Variants in TBC1D9 observed in about 807,000 individuals in gnomAD.
TBC1D9 encodes the protein TBC1 domain family member 9A.
A neutral mutation model predicts 132.0 loss-of-function variants in TBC1D9; 63 were observed. That is an observed-to-expected ratio of 0.48 (90% CI 0.39 to 0.59). TBC1D9 has a LOEUF of 0.59. Among genes scored for constraint, TBC1D9 ranks in the 20% least tolerant of loss-of-function variants. The pLI is 0.00. For missense variants in TBC1D9, 1,261 were observed against 1,592.7 expected (o/e 0.79, Z 3.54); for synonymous variants, 610 against 609.9 (o/e 1.00, Z 0.00).
Position 140,676,825 on chromosome 4 carries a change from T to C in TBC1D9, c.1059+69A>G, listed in dbSNP as rs1319386326. The C allele has an allele frequency of 1.9e-6, 3 of 1,560,508 alleles. No individual in the cohort carries two copies. The African/African-American group carries it at 4.1e-5, about 21-fold the overall frequency. ...CAAAAGCCAATTGTTGGTAAAAAAA[T>C]TATTCCTGGTTCACCCAGAAAAGTA... is the stretch of plus-strand genomic sequence containing the variant. On this transcript the variant is annotated intron_variant, in intron 6 of 20. Transcript: ENST00000442267.
intron 9 of TBC1D9, among the ~76,000 whole-genome samples, chr4:140,665,974 G>C (rs1367228188): frequency 6.6e-6 from 1 of 152,150 alleles, no homozygotes; most frequent in Non-Finnish European, 1.5e-5. Context: ...ATGAGCCACT[G>C]TGCCCAGCCC....
At chr4:140,633,694 C>T (rs757271287) in intron 16 of TBC1D9, among the ~76,000 whole-genome samples, 6 of 151,902 alleles carry the variant, frequency 3.9e-5, no homozygotes, top group Non-Finnish European at 7.4e-5. Flanking sequence ...AAAACTATCT[C>T]GTCTGTGGTT....
At chr4:140,643,196 A>G in intron 13 of TBC1D9, 3 of 1,416,358 alleles carry the variant, frequency 2.1e-6, no homozygotes, top group Non-Finnish European at 1.9e-6. Flanking sequence ...GTGAGGGCCG[A>G]GCCACCAGGG....
At chr4:140,725,275 C>T (rs1049616226) in intron 1 of TBC1D9, among the ~76,000 whole-genome samples, 3 of 152,054 alleles carry the variant, frequency 2.0e-5, no homozygotes, top group African/African-American at 7.2e-5. Flanking sequence ...GAAAGATATA[C>T]CATTGTACGG....
intron 6 of TBC1D9, 53 bp downstream of exon 6, chr4:140,676,841 C>T: frequency 1.9e-6 from 3 of 1,594,964 alleles, no homozygotes; most frequent in Non-Finnish European, 2.6e-6. Flanking sequence ...CTGGTTCACC[C>T]AGAAAAGTAT....
At chr4:140,642,985 TTCTGAAG>T in intron 13 of TBC1D9, 1 of 697,076 alleles carries the variant, frequency 1.4e-6, no homozygotes. Context: ...GCCCGCCACA[TTCTGAAG>T]TCCAGTTCCA....
rs1312663165 is a variant in TBC1D9, at chr4:140,634,183, T to C, written c.2511A>G (p.Glu837=). ...LEELYALFKA[E]HLTSCYWGGS... is the part of the protein sequence containing the mutation. ...CGCCCCAGTAGCAGCTGGTGAGATG[T>C]TCTGCCTGAAAAAGAATGGATGATC... Residue 837 remains glutamate (E), a synonymous_variant, in exon 16 of 21, where the codon GAA becomes GAG. Coordinates refer to ENST00000442267, the MANE Select transcript of TBC1D9 (RefSeq NM_015130.3). 6.2e-7 allele frequency: 1 copy of C among 1,612,376 alleles called. No individual in the cohort carries two copies. Among genetic ancestry groups the C allele is most frequent in the East Asian group, 2.2e-5 (1 of 44,894 alleles).
chr4:140,642,487 C>T, intron 13 of TBC1D9: 3 of 1,072,556 alleles, frequency 2.8e-6, no homozygotes, highest in African/African-American at 1.5e-5. Flanking sequence ...TTTTGATTTC[C>T]CCCCAGCACT....
intron 2 of TBC1D9, among the ~76,000 whole-genome samples, chr4:140,696,363 A>G (rs577484610): frequency 1.4e-5 from 2 of 142,390 alleles, no homozygotes; most frequent in East Asian, 2.3e-4. Context: ...AGGTTGAGGC[A>G]GGAGAATCAC....
intron 16 of TBC1D9, among the ~76,000 whole-genome samples, chr4:140,630,932 C>T (rs1018559376): frequency 5.3e-5 from 8 of 152,158 alleles, no homozygotes; most frequent in Non-Finnish European, 7.3e-5. Context: ...TTAACTCTAT[C>T]GTGCAAATAA....
At chr4:140,707,760 A>T (rs1233045578) in intron 1 of TBC1D9, among the ~76,000 whole-genome samples, 1 of 152,104 alleles carries the variant, frequency 6.6e-6, no homozygotes, top group Non-Finnish European at 1.5e-5. Context: ...GGCTTTGTAC[A>T]AGTGTTTCTC....
intron 1 of TBC1D9, among the ~76,000 whole-genome samples, chr4:140,744,814 T>C (rs962334993): frequency 2.1e-5 from 3 of 140,462 alleles, no homozygotes; most frequent in South Asian, 2.2e-4. Flanking sequence ...ACCTGGGAGA[T>C]AGAGATTGCA....
At chr4:140,678,147 A>C (rs1737653141) in intron 5 of TBC1D9, among the ~76,000 whole-genome samples, 1 of 152,092 alleles carries the variant, frequency 6.6e-6, no homozygotes, top group Non-Finnish European at 1.5e-5. Context: ...TCTATCTTAC[A>C]CTGCTCTTTT....
At chr4:140,672,483 G>T (rs186783246) in intron 6 of TBC1D9, among the ~76,000 whole-genome samples, 1 of 152,006 alleles carries the variant, frequency 6.6e-6, no homozygotes, top group Non-Finnish European at 1.5e-5. Flanking sequence ...GGCTCTTTTG[G>T]TCATGAGGTG....
At chr4:140,652,997 C>A (rs571265032) in intron 13 of TBC1D9, among the ~76,000 whole-genome samples, 2 of 152,160 alleles carry the variant, frequency 1.3e-5, no homozygotes, top group Non-Finnish European at 2.9e-5. Flanking sequence ...CCAGGAGGGG[C>A]ATCTCAGTCT....
chr4:140,748,680 A>G (rs1346820905), intron 1 of TBC1D9, among the ~76,000 whole-genome samples: 1 of 152,262 alleles, frequency 6.6e-6, no homozygotes, highest in Non-Finnish European at 1.5e-5. Context: ...CTTAAAACAT[A>G]TTAAGTGCCA....
At chr4:140,752,941 T>C (rs1001173255) in intron 1 of TBC1D9, among the ~76,000 whole-genome samples, 3 of 152,146 alleles carry the variant, frequency 2.0e-5, no homozygotes, top group African/African-American at 7.2e-5. Flanking sequence ...TGTACACTGA[T>C]CCAGATAATG....
Position 140,702,525 on chromosome 4 carries a change from C to T in TBC1D9, c.131-911G>A, listed in dbSNP as rs565801770. On this transcript the variant is annotated intron_variant, in intron 1 of 20. Transcript: ENST00000442267. ...ACCCGGCTGAGGCACTCCAGCCATGCGGAGAACGCACAACCCTGTTTCTCA... is the reference window on the plus strand; with the variant it reads ...ACCCGGCTGAGGCACTCCAGCCATGTGGAGAACGCACAACCCTGTTTCTCA... 3.3e-4 allele frequency among the ~76,000 whole-genome samples: 50 copies of T among 152,282 alleles called. 1 individual carries two copies. Among genetic ancestry groups the T allele is most frequent in the African/African-American group, 1.1e-3 (47 of 41,568 alleles).
chr4:140,726,946 C>A (rs72720317), intron 1 of TBC1D9, among the ~76,000 whole-genome samples: 1 of 152,100 alleles, frequency 6.6e-6, no homozygotes, highest in Admixed American at 6.5e-5. Flanking sequence ...AACTGATATG[C>A]GGTCAACCCA....
Sources: allele counts gnomAD v4.1 joint callset (sites outside exome capture counted in the v4.1 genomes callset), GRCh38; gene constraint gnomAD v4.1.1; transcripts MANE v1.5; gene names NCBI Gene and HGNC (gene_info 2026-07-23, HGNC 2026-07-21).